Variants in SLC24A2 observed in about 807,000 individuals in gnomAD.
SLC24A2 encodes sodium/potassium/calcium exchanger 2.
In SLC24A2, 36 loss-of-function variants were observed where a neutral mutation model predicts 62.0. The observed-to-expected ratio is 0.58, with a 90% CI of 0.44 to 0.77. The LOEUF is 0.77. Ranked by LOEUF, SLC24A2 falls within the 30% of genes least tolerant of loss-of-function variation. The pLI is 0.00. For synonymous variants in SLC24A2, 358 were observed against 294.0 expected, an observed-to-expected ratio of 1.22 and a Z score of -2.23; for missense variants, 846 against 817.9, an observed-to-expected ratio of 1.03 and a Z score of -0.42.
chr9:19,533,805 T>C (rs140143498), intron 8 of SLC24A2, among the ~76,000 whole-genome samples: 1 of 152,326 alleles, frequency 6.6e-6, no homozygotes, highest in Non-Finnish European at 1.5e-5. Flanking sequence ...AAGCAAAAGA[T>C]AACTGATACA....
chr9:19,618,437 C>G (rs1008471004), intron 4 of SLC24A2, among the ~76,000 whole-genome samples: 1 of 152,154 alleles, frequency 6.6e-6, no homozygotes, highest in African/African-American at 2.4e-5. Context: ...ATCAGCTATA[C>G]AACTCTCTGT....
In SLC24A2 at chr9:19,534,827, A is replaced by G. The variant is rs555650433; in HGVS notation, c.1480-6689T>C. On this transcript the variant is annotated intron_variant, in intron 8 of 10. Transcript: ENST00000341998. ...AGTGCCACAATAAACATATGTGTAC[A>G]TGTGTCTTTATAGTAGAATGATTTA... 5.9e-5 allele frequency among the ~76,000 whole-genome samples: 9 copies of G among 152,292 alleles called. No homozygotes were observed. The South Asian group carries it at 1.9e-3, about 32-fold the overall frequency.
intron 4 of SLC24A2, among the ~76,000 whole-genome samples, chr9:19,616,671 TG>T (rs1254582295): frequency 1.3e-5 from 2 of 152,198 alleles, no homozygotes; most frequent in Non-Finnish European, 2.9e-5. Context: ...CTAGGCTTTG[TG>T]GGTAACTAGT....
At chr9:20,051,296 A>G in the SLC24A2 span, among the ~76,000 whole-genome samples, 4 of 152,354 alleles carry the variant, frequency 2.6e-5, no homozygotes, top group South Asian at 4.1e-4. Flanking sequence ...ATCATATTAA[A>G]TATTTATTCA....
intron 2 of SLC24A2, among the ~76,000 whole-genome samples, chr9:19,771,654 GC>G (rs1822693244): frequency 6.6e-6 from 1 of 152,104 alleles, no homozygotes; most frequent in Admixed American, 6.6e-5. Flanking sequence ...TGTTTCCTGA[GC>G]CCCCTGGAAA....
intron 7 of SLC24A2, among the ~76,000 whole-genome samples, chr9:19,551,338 G>A (rs1193086057): frequency 6.6e-6 from 1 of 152,200 alleles, no homozygotes; most frequent in Non-Finnish European, 1.5e-5. Flanking sequence ...GGCAGCCAAT[G>A]GCCAGCGTTT....
chr9:20,265,558 A>G, the SLC24A2 span, among the ~76,000 whole-genome samples: 1 of 152,144 alleles, frequency 6.6e-6, no homozygotes, highest in African/African-American at 2.4e-5. Flanking sequence ...TAATCTCTTA[A>G]TCCTGTCGTT....
chr9:19,560,502 C>G (rs12347512), intron 7 of SLC24A2, among the ~76,000 whole-genome samples: 99 of 152,338 alleles, frequency 6.5e-4, no homozygotes, highest in African/African-American at 2.3e-3. Flanking sequence ...GGTGCACATG[C>G]ACCAAGGGAA....
At chr9:19,937,981 A>C in the SLC24A2 span, among the ~76,000 whole-genome samples, 1 of 152,212 alleles carries the variant, frequency 6.6e-6, no homozygotes, top group Non-Finnish European at 1.5e-5. Context: ...GAAAAGAAGA[A>C]AACAGAACAG....
chr9:20,019,307 G>GAAAGAAAGAAAGAA, the SLC24A2 span, among the ~76,000 whole-genome samples: 3 of 146,456 alleles, frequency 2.0e-5, no homozygotes, highest in Non-Finnish European at 4.4e-5. Flanking sequence ...AAGAAAGAAA[G>GAAAGAAAGAAAGAA]AAAGAAAGTG....
At chr9:19,620,803 A>G (rs1817890940) in intron 3 of SLC24A2, among the ~76,000 whole-genome samples, 1 of 152,248 alleles carries the variant, frequency 6.6e-6, no homozygotes, top group Admixed American at 6.5e-5. Flanking sequence ...TTGAACTTTC[A>G]GCGTAAAAGT....
At chr9:19,769,633 C>T (rs542479104) in intron 2 of SLC24A2, among the ~76,000 whole-genome samples, 5 of 152,328 alleles carry the variant, frequency 3.3e-5, no homozygotes, top group African/African-American at 1.2e-4. Flanking sequence ...TGCTTACTGC[C>T]ACTGACTGTG....
At chr9:19,659,178 T>G (rs1040307590) in intron 2 of SLC24A2, among the ~76,000 whole-genome samples, 1 of 152,030 alleles carries the variant, frequency 6.6e-6, no homozygotes, top group African/African-American at 2.4e-5. Context: ...ACAGAGGGAA[T>G]GAAGGCAGAG....
the SLC24A2 span, among the ~76,000 whole-genome samples, chr9:19,844,562 T>C: frequency 6.6e-6 from 1 of 152,254 alleles, no homozygotes; most frequent in Middle Eastern, 3.4e-3. Flanking sequence ...TTGCAATTGC[T>C]TTTGGGGATT....
intron 2 of SLC24A2, among the ~76,000 whole-genome samples, chr9:19,760,227 T>C (rs564709486): frequency 3.3e-5 from 5 of 152,210 alleles, no homozygotes; most frequent in Admixed American, 6.5e-5. Flanking sequence ...TCAGGGCCTT[T>C]CCATTTGTGT....
At chr9:19,824,453 A>G in the SLC24A2 span, among the ~76,000 whole-genome samples, 2 of 152,244 alleles carry the variant, frequency 1.3e-5, no homozygotes, top group African/African-American at 4.8e-5. Context: ...AGAAATGCAA[A>G]TCAAAACCAC....
the SLC24A2 span, among the ~76,000 whole-genome samples, chr9:20,172,498 T>C: frequency 6.6e-6 from 1 of 151,884 alleles, no homozygotes; most frequent in Non-Finnish European, 1.5e-5. Context: ...TAAGCTCAAT[T>C]AGAAATGAAA....
chr9:19,971,270 A>G, the SLC24A2 span, among the ~76,000 whole-genome samples: 1 of 152,158 alleles, frequency 6.6e-6, no homozygotes, highest in Non-Finnish European at 1.5e-5. Flanking sequence ...AAAATCTCCT[A>G]GCATGCCTTC....
chr9:20,140,698 A>G, the SLC24A2 span, among the ~76,000 whole-genome samples: 1 of 152,060 alleles, frequency 6.6e-6, no homozygotes, highest in African/African-American at 2.4e-5. Flanking sequence ...GAGCCATCCC[A>G]TGATAATGGT....
Sources: gnomAD v4.1 joint callset for allele counts (sites outside exome capture counted in the v4.1 genomes callset) on GRCh38, gnomAD v4.1.1 for gene constraint, MANE v1.5 for transcripts, NCBI Gene and HGNC (gene_info 2026-07-23, HGNC 2026-07-21) for gene names.